IGFBPL1: variants seen among roughly 807,000 people sequenced by gnomAD.
The protein encoded by IGFBPL1 is insulin-like growth factor-binding protein-like 1.
IGFBPL1 carries 20 observed loss-of-function variants against 23.9 expected under a neutral mutation model. That is an observed-to-expected ratio of 0.84 (90% CI 0.59 to 1.22). The LOEUF is 1.22. Among genes scored for constraint, IGFBPL1 ranks in the 50% most tolerant of loss-of-function variants. The pLI, the probability that IGFBPL1 is intolerant of heterozygous loss-of-function variation, is 0.00. For synonymous variants in IGFBPL1, 184 were observed against 171.8 expected (o/e 1.07, Z -0.56); for missense variants, 436 against 379.3 (o/e 1.15, Z -1.24).
Position 38,423,844 on chromosome 9 carries a change from T to G in IGFBPL1, c.460+121A>C, listed in dbSNP as rs1028633949. Reference sequence around the variant, plus strand: ...AGGAGAGATATGAAATACTGCTCCCTAAGGGGAAACTGAGTGCCAGGCAGC... The same window carrying G: ...AGGAGAGATATGAAATACTGCTCCCGAAGGGGAAACTGAGTGCCAGGCAGC... On this transcript the variant is annotated intron_variant, in intron 1 of 4. Coordinates refer to ENST00000377694, the MANE Select transcript of IGFBPL1 (RefSeq NM_001007563.3). 8.2e-6 allele frequency: 8 copies of G among 980,898 alleles called. No homozygotes were observed. The African/African-American group carries it at 1.4e-4, about 17-fold the overall frequency. The allele number at this position is 980,898 out of a possible 1,614,324, so 60.8% of individuals were successfully genotyped here. A position where few individuals can be genotyped will look rare whatever the true frequency, so the allele number is the denominator to read the frequency against.
intron 1 of IGFBPL1, among the ~76,000 whole-genome samples, chr9:38,422,818 T>C (rs1181703940): frequency 1.3e-5 from 2 of 152,188 alleles, no homozygotes; most frequent in Admixed American, 6.5e-5. Context: ...CTTGGGTACA[T>C]CTACCTGAAC....
At position 38,408,837 on chromosome 9, in the gene IGFBPL1, C is replaced by T. The variant is rs1587411202; in HGVS notation, c.*390G>A. On this transcript the variant is annotated 3_prime_UTR_variant, in exon 5 of 5. Transcript: ENST00000377694. ...AGTCAGGCAGAGGACAGCTGGGACC[C>T]TCATCCCTCCTTCTACAACACACAC... Among the ~76,000 whole-genome samples the T allele has an allele frequency of 6.6e-6, 1 of 152,170 alleles. No homozygotes were observed. Among genetic ancestry groups the T allele is most frequent in the African/African-American group, 2.4e-5 (1 of 41,444 alleles).
chr9:38,421,096 C>T (rs1821671323), intron 1 of IGFBPL1, among the ~76,000 whole-genome samples: 1 of 151,914 alleles, frequency 6.6e-6, no homozygotes. Context: ...AGTTCAAGAA[C>T]AGCCTGGGAA....
chr9:38,421,673 G>A (rs911868519), intron 1 of IGFBPL1, among the ~76,000 whole-genome samples: 17 of 152,110 alleles, frequency 1.1e-4, no homozygotes, highest in African/African-American at 3.9e-4. Context: ...GTTAAAAAAC[G>A]CTCCCGCTGT....
chr9:38,421,672 C>A (rs987864837), intron 1 of IGFBPL1, among the ~76,000 whole-genome samples: 2 of 152,280 alleles, frequency 1.3e-5, no homozygotes, highest in Non-Finnish European at 1.5e-5. Context: ...TGTTAAAAAA[C>A]GCTCCCGCTG....
At chr9:38,419,800 C>T (rs1277746421) in intron 1 of IGFBPL1, among the ~76,000 whole-genome samples, 2 of 152,148 alleles carry the variant, frequency 1.3e-5, no homozygotes, top group African/African-American at 2.4e-5. Context: ...CGAAGACCCA[C>T]GTATGAATAA....
intron 1 of IGFBPL1, among the ~76,000 whole-genome samples, chr9:38,414,787 C>T (rs1587414548): frequency 1.3e-5 from 2 of 152,178 alleles, no homozygotes; most frequent in East Asian, 3.9e-4. Flanking sequence ...CCCCAGAAGC[C>T]GACCCAAGCC....
chr9:38,412,269 G>A (rs1457110239), intron 3 of IGFBPL1, among the ~76,000 whole-genome samples: 1 of 152,194 alleles, frequency 6.6e-6, no homozygotes, highest in Non-Finnish European at 1.5e-5. Context: ...TGGGGGAAGG[G>A]TGAGCATTAT....
chr9:38,412,840 A>G (rs1225345907), intron 3 of IGFBPL1, among the ~76,000 whole-genome samples: 1 of 152,188 alleles, frequency 6.6e-6, no homozygotes, highest in Non-Finnish European at 1.5e-5. Context: ...GAATCACTTC[A>G]GTCTGCCTCT....
In IGFBPL1 at chr9:38,424,005, G is replaced by T. The variant is rs867763908; in HGVS notation, c.420C>A (p.Pro140=). 4 of 1,410,808 alleles carry T rather than the reference G, an allele frequency of 2.8e-6. No homozygotes were observed. Among genetic ancestry groups the T allele is most frequent in the East Asian group, 3.0e-5 (1 of 33,192 alleles). 87.4% of individuals were successfully genotyped at this position (1,410,808 alleles called of 1,614,324 possible). A position where few individuals can be genotyped will look rare whatever the true frequency, so the allele number is the denominator to read the frequency against. ...CGTCGCGCGCCTTGTGCAGGTGACCGGGGTGCGCGCGGGGCGTGTGCCGAG... is the reference window on the plus strand; with the variant it reads ...CGTCGCGCGCCTTGTGCAGGTGACCTGGGTGCGCGCGGGGCGTGTGCCGAG... The part of the protein sequence containing the change: ...LRARHTPRAH[P]GHLHKARDGP... Residue 140 remains proline (P), a synonymous_variant, in exon 1 of 5, where the codon CCC becomes CCA. Coordinates refer to ENST00000377694, the MANE Select transcript of IGFBPL1 (RefSeq NM_001007563.3).
At chr9:38,417,252 C>A (rs1821612519) in intron 1 of IGFBPL1, among the ~76,000 whole-genome samples, 1 of 152,144 alleles carries the variant, frequency 6.6e-6, no homozygotes, top group African/African-American at 2.4e-5. Flanking sequence ...TGATGTGGCT[C>A]CAGATCCCAA....
intron 3 of IGFBPL1, among the ~76,000 whole-genome samples, 190 bp from the exon 4 acceptor site, chr9:38,411,739 A>G (rs1821516814): frequency 6.6e-6 from 1 of 152,174 alleles, no homozygotes; most frequent in Non-Finnish European, 1.5e-5. Context: ...CCCTCTTGAA[A>G]GGCACGCTCC....
rs1179926042 is a variant in IGFBPL1, at chr9:38,406,933, G to A, written c.*2294C>T. Reference sequence around the variant, plus strand: ...AGTTTTCACTAGGCAAATCTGAGGTGAGTCAACTGAGTTTGCAAAATGTGC... The same window carrying A: ...AGTTTTCACTAGGCAAATCTGAGGTAAGTCAACTGAGTTTGCAAAATGTGC... On this transcript the variant is annotated 3_prime_UTR_variant, in exon 5 of 5. Coordinates refer to ENST00000377694, the MANE Select transcript of IGFBPL1 (RefSeq NM_001007563.3). Among the ~76,000 whole-genome samples, 1 of 152,224 alleles carries A rather than the reference G, an allele frequency of 6.6e-6. No individual in the cohort carries two copies. Among genetic ancestry groups the A allele is most frequent in the Non-Finnish European group, 1.5e-5 (1 of 68,042 alleles).
rs1821455238 is a variant in IGFBPL1, at chr9:38,408,129, C to G, written c.*1098G>C. On this transcript the variant is annotated 3_prime_UTR_variant, in exon 5 of 5. Coordinates refer to ENST00000377694, the MANE Select transcript of IGFBPL1 (RefSeq NM_001007563.3). ...AACCACCTGTTTAGAGAATGCTAGGCTAGGCCAAGCACAGTGGCTGATGCC... is the reference window on the plus strand; with the variant it reads ...AACCACCTGTTTAGAGAATGCTAGGGTAGGCCAAGCACAGTGGCTGATGCC... Among the ~76,000 whole-genome samples the G allele has an allele frequency of 6.6e-6, 1 of 151,872 alleles. No homozygotes were observed.
chr9:38,413,491 T>C, intron 2 of IGFBPL1, 138 bp from the exon 3 acceptor site: 1 of 592,472 alleles, frequency 1.7e-6, no homozygotes, highest in Middle Eastern at 3.9e-4. Flanking sequence ...TGCTCATGCC[T>C]ATGCAAATGA....
At chr9:38,421,662 TG>T (rs1238007322) in intron 1 of IGFBPL1, among the ~76,000 whole-genome samples, 1 of 152,142 alleles carries the variant, frequency 6.6e-6, no homozygotes, top group Non-Finnish European at 1.5e-5. Flanking sequence ...CCAGAGGCAT[TG>T]TTAAAAAACG....
At chr9:38,409,567 G>A (rs1011875876) in intron 4 of IGFBPL1, among the ~76,000 whole-genome samples, 5 of 152,156 alleles carry the variant, frequency 3.3e-5, no homozygotes, top group Non-Finnish European at 5.9e-5. Flanking sequence ...CAGCAGTGAT[G>A]CTCTTAAAAT....
At chr9:38,414,312 G>A in intron 1 of IGFBPL1, 109 bp from the exon 2 acceptor site, 1 of 637,876 alleles carries the variant, frequency 1.6e-6, no homozygotes, top group Non-Finnish European at 2.8e-6. Flanking sequence ...TGACATGAGG[G>A]GAGCGGCACA....
rs1821728707 is a variant in IGFBPL1, at chr9:38,424,301, G to C, written c.124C>G (p.Arg42Gly). 9 of 1,264,470 alleles carry C rather than the reference G, an allele frequency of 7.1e-6. No homozygotes were observed. In the East Asian group the frequency reaches 1.6e-4, roughly 23 times the overall value. 78.3% of individuals were successfully genotyped at this position (1,264,470 alleles called of 1,614,324 possible). ...GGRRPKCGPC[R>G]PEGCPAPAPC... ...GCAGGCGCCGGGCAGCCCTCTGGCC[G>C]GCACGGACCACACTTGGGGCGCCGG... Residue 42 changes from arginine to glycine, a missense_variant, in exon 1 of 5, where the codon CGG becomes GGG. Physicochemically the swap from Arg to Gly is moderately radical, Grantham distance 125 (BLOSUM62 -2). Coordinates refer to ENST00000377694, the MANE Select transcript of IGFBPL1 (RefSeq NM_001007563.3).
Sources: allele counts gnomAD v4.1 joint callset (sites outside exome capture counted in the v4.1 genomes callset), GRCh38; gene constraint gnomAD v4.1.1; transcripts MANE v1.5; gene names NCBI Gene and HGNC (gene_info 2026-07-23, HGNC 2026-07-21).